PRLR: variants seen among roughly 807,000 people sequenced by gnomAD.
PRLR encodes prolactin receptor, also known as hPRL receptor.
Under a neutral mutation model 40.2 loss-of-function variants are expected in PRLR, and 13 were observed. The observed-to-expected ratio is 0.32, with a 90% CI of 0.21 to 0.51. The LOEUF is 0.51. Among genes scored for constraint, PRLR ranks in the 20% least tolerant of loss-of-function variants. The pLI is 0.97. For missense variants in PRLR, 656 were observed against 747.3 expected (o/e 0.88, Z 1.42); for synonymous variants, 269 against 278.7 (o/e 0.97, Z 0.35).
At chr5:35,092,083 T>C (rs950504397) in intron 2 of PRLR, among the ~76,000 whole-genome samples, 1 of 152,174 alleles carries the variant, frequency 6.6e-6, no homozygotes, top group Non-Finnish European at 1.5e-5. Flanking sequence ...ATATTAGATA[T>C]TGTCATCTGC....
At chr5:35,215,775 C>G (rs1016275472) in intron 1 of PRLR, among the ~76,000 whole-genome samples, 4 of 151,050 alleles carry the variant, frequency 2.6e-5, no homozygotes, top group African/African-American at 9.8e-5. Context: ...GTGGCGCATG[C>G]CTGTAATTGC....
At chr5:35,110,051 G>C (rs908002434) in intron 2 of PRLR, among the ~76,000 whole-genome samples, 2 of 152,204 alleles carry the variant, frequency 1.3e-5, no homozygotes, top group Non-Finnish European at 2.9e-5. Context: ...AAATGGATGA[G>C]TTCATGTCCT....
At chr5:35,093,421 T>C (rs543996089) in intron 2 of PRLR, among the ~76,000 whole-genome samples, 1 of 152,220 alleles carries the variant, frequency 6.6e-6, no homozygotes, top group Non-Finnish European at 1.5e-5. Flanking sequence ...ATCTCAGCCC[T>C]ACCATTCTGT....
chr5:35,068,355 A>C (rs1769510963), intron 8 of PRLR, 70 bp from the exon 9 acceptor site: 1 of 1,326,868 alleles, frequency 7.5e-7, no homozygotes, highest in Admixed American at 1.7e-5. Context: ...AGGTTAGTAT[A>C]ATAGCCACTA....
intron 1 of PRLR, among the ~76,000 whole-genome samples, chr5:35,189,827 A>G (rs914425344): frequency 1.3e-5 from 2 of 152,164 alleles, no homozygotes; most frequent in Non-Finnish European, 2.9e-5. Flanking sequence ...CATGATTTCC[A>G]TGACCCCAAG....
Position 35,084,577 on chromosome 5 carries a change from C to T in PRLR, c.266G>A (p.Gly89Asp), listed in dbSNP as rs1287914462. Residue 89 changes from glycine to aspartate, a missense_variant, in exon 5 of 10, where the codon GGC becomes GAC. Around this residue, in one of 3 missense-constraint regions of PRLR, gnomAD observed 180 missense variants for 236.8 expected, o/e 0.76. Coordinates refer to ENST00000618457, the MANE Select transcript of PRLR (RefSeq NM_000949.7). ...CCTCCACATGGAGGTGTACTGCTTG[C>T]CAAAGTGGCAGGAGTTGGGGCCACC... ...ITGGPNSCHF[G>D]KQYTSMWRTY... The T allele has an allele frequency of 1.9e-6, 3 of 1,609,720 alleles. No homozygotes were observed. Among genetic ancestry groups the T allele is most frequent in the South Asian group, 2.2e-5 (2 of 89,916 alleles).
At chr5:35,096,419 G>T (rs1771537468) in intron 2 of PRLR, among the ~76,000 whole-genome samples, 1 of 152,148 alleles carries the variant, frequency 6.6e-6, no homozygotes, top group African/African-American at 2.4e-5. Context: ...ATGTAGGACA[G>T]ATGGTGGAAA....
At chr5:35,082,006 C>T (rs1016690094) in intron 5 of PRLR, 1 of 161,176 alleles carries the variant, frequency 6.2e-6, no homozygotes, top group Non-Finnish European at 1.4e-5. Context: ...TAGTAAGACC[C>T]CTGGACCACC....
intron 2 of PRLR, among the ~76,000 whole-genome samples, chr5:35,091,101 C>T (rs113880870): frequency 0.016 from 2,424 of 152,156 alleles, 74 homozygotes; most frequent in African/African-American, 0.056. Context: ...CGTGAGCCAC[C>T]GTGCCCGGCC....
intron 1 of PRLR, among the ~76,000 whole-genome samples, chr5:35,182,667 T>G (rs1057087026): frequency 6.6e-6 from 1 of 152,186 alleles, no homozygotes; most frequent in African/African-American, 2.4e-5. Flanking sequence ...ATTTAGATAA[T>G]TGAGCAGGTG....
At chr5:35,142,200 T>A (rs188999049) in intron 1 of PRLR, among the ~76,000 whole-genome samples, 2 of 152,334 alleles carry the variant, frequency 1.3e-5, no homozygotes, top group African/African-American at 4.8e-5. Context: ...AATTAGCAGA[T>A]ATATAGTATC....
intron 1 of PRLR, among the ~76,000 whole-genome samples, chr5:35,155,823 A>G (rs1774479409): frequency 6.6e-6 from 1 of 152,212 alleles, no homozygotes. Context: ...GGTACTTCTA[A>G]CTCATTAATA....
At chr5:35,067,019 T>G (rs1769422336) in intron 9 of PRLR, among the ~76,000 whole-genome samples, 1 of 152,122 alleles carries the variant, frequency 6.6e-6, no homozygotes, top group Non-Finnish European at 1.5e-5. Flanking sequence ...CGCCTCTGCC[T>G]TCCAAAGTGC....
intron 5 of PRLR, among the ~76,000 whole-genome samples, chr5:35,083,444 C>CTGTGTG (rs779873401): frequency 1.6e-4 from 22 of 139,658 alleles, no homozygotes; most frequent in African/African-American, 6.5e-4. Flanking sequence ...CTCTTCCTCT[C>CTGTGTG]TCTCTGTGTG....
chr5:35,105,136 C>T (rs1335248338), intron 2 of PRLR, among the ~76,000 whole-genome samples: 1 of 152,180 alleles, frequency 6.6e-6, no homozygotes, highest in Admixed American at 6.5e-5. Context: ...CAGCAAACTC[C>T]AACAGACCTG....
chr5:35,153,616 A>G lies in PRLR; in HGVS notation c.-105-35494T>C, dbSNP rs1774400239. 2.6e-5 allele frequency among the ~76,000 whole-genome samples: 4 copies of G among 152,218 alleles called. No individual in the cohort carries two copies. In the South Asian group the frequency reaches 8.3e-4, roughly 32 times the overall value. ...TATTCATACACACAGCTAGTGTTGC[A>G]TTCTAAGAAATTCTTTGATTTGCTC... On this transcript the variant is annotated intron_variant, in intron 1 of 9. Coordinates refer to ENST00000618457, the MANE Select transcript of PRLR (RefSeq NM_000949.7).
chr5:35,174,061 C>T (rs1775075398), intron 1 of PRLR, among the ~76,000 whole-genome samples: 2 of 151,208 alleles, frequency 1.3e-5, no homozygotes, highest in Admixed American at 6.6e-5. Context: ...CAATTCCCAC[C>T]TATGAGTGAG....
downstream of PRLR, among the ~76,000 whole-genome samples, chr5:35,051,237 C>T (rs1171028097): frequency 6.6e-6 from 1 of 152,214 alleles, no homozygotes; most frequent in Non-Finnish European, 1.5e-5. Context: ...GTACTGCTAA[C>T]TGCATACCTG....
At chr5:35,080,372 T>C (rs1458004024) in intron 5 of PRLR, among the ~76,000 whole-genome samples, 1 of 152,012 alleles carries the variant, frequency 6.6e-6, no homozygotes, top group African/African-American at 2.4e-5. Flanking sequence ...CATCAAAAAG[T>C]TGGTGAAGGA....
Sources: gnomAD v4.1 joint callset for allele counts (sites outside exome capture counted in the v4.1 genomes callset) on GRCh38, gnomAD v4.1.1 for gene constraint, gnomAD v4.1.1 regional missense constraint, MANE v1.5 for transcripts, NCBI Gene and HGNC (gene_info 2026-07-23, HGNC 2026-07-21) for gene names.